The following PTBP3 variants were observed in gnomAD, a reference collection of about 807,000 sequenced individuals.
The protein encoded by PTBP3 is polypyrimidine tract binding protein 3, also known as polypyrimidine tract-binding protein 3.
In PTBP3, 20 loss-of-function variants were observed where a neutral mutation model predicts 58.7. That is an observed-to-expected ratio of 0.34 (90% CI 0.24 to 0.50). The LOEUF (loss-of-function observed/expected upper bound fraction) is 0.50, where lower values mean the gene tolerates loss of function less well. Ranked by LOEUF, PTBP3 falls within the 20% of genes least tolerant of loss-of-function variation. PTBP3 has a pLI of 0.98. For synonymous variants in PTBP3, 185 were observed against 219.8 expected, an observed-to-expected ratio of 0.84 and a Z score of 1.40; for missense variants, 509 against 637.2, an observed-to-expected ratio of 0.80 and a Z score of 2.17.
chr9:112,360,138 A>G, the PTBP3 span, among the ~76,000 whole-genome samples: 3 of 152,226 alleles, frequency 2.0e-5, no homozygotes, highest in South Asian at 2.1e-4. Context: ...AGTTCTACGC[A>G]GAAGGCTTGG....
At chr9:112,277,728 T>A (rs893126173) in intron 2 of PTBP3, among the ~76,000 whole-genome samples, 2 of 151,592 alleles carry the variant, frequency 1.3e-5, no homozygotes, top group Admixed American at 6.6e-5. Context: ...AACAAAAAAA[T>A]TAGCAGGATG....
chr9:112,268,035 T>C lies in PTBP3; in HGVS notation c.351+14A>G, dbSNP rs761677898. On this transcript the variant is annotated intron_variant, in intron 4 of 13. Coordinates refer to ENST00000374257, the MANE Select transcript of PTBP3 (RefSeq NM_001163788.4). Reference sequence around the variant, plus strand: ...GTTCCCATACCTATTTTTAAAAACATCTTTAATACTTACAGCTTGATTAGG... The same window carrying C: ...GTTCCCATACCTATTTTTAAAAACACCTTTAATACTTACAGCTTGATTAGG... 10 of 1,597,252 alleles carry C rather than the reference T, an allele frequency of 6.3e-6. No homozygotes were observed. The highest frequency in any genetic ancestry group is 6.8e-6 in the Non-Finnish European group (8 of 1,172,500).
In PTBP3 at chr9:112,268,140, G is replaced by A. The variant is rs768933142; in HGVS notation, c.260C>T (p.Thr87Ile). 6.2e-7 allele frequency: 1 copy of A among 1,613,608 alleles called. No homozygotes were observed. Residue 87 changes from threonine (T) to isoleucine (I), a missense_variant, in exon 4 of 14, where the codon ACT becomes ATT. Around this residue, in one of 4 missense-constraint regions of PTBP3, gnomAD observed 212 missense variants for 215.3 expected, o/e 0.98. Coordinates refer to ENST00000374257, the MANE Select transcript of PTBP3 (RefSeq NM_001163788.4). ...GCTTCGAAGGTGAGGAGTAATAGGA[G>A]TGTAATAATTCACCATAGTAACGGC... ...EAAVTMVNYY[T>I]PITPHLRSQP...
intron 1 of PTBP3, among the ~76,000 whole-genome samples, chr9:112,304,679 C>G (rs1185820285): frequency 6.6e-6 from 1 of 152,174 alleles, no homozygotes; most frequent in East Asian, 1.9e-4. Flanking sequence ...AATCCTCACA[C>G]CTTGGCCTCC....
chr9:112,329,909 C>T (rs988592138), intron 1 of PTBP3, among the ~76,000 whole-genome samples: 6 of 149,804 alleles, frequency 4.0e-5, no homozygotes, highest in South Asian at 2.1e-4. Context: ...TGCAGTGACA[C>T]GGTCACACTC....
the PTBP3 span, among the ~76,000 whole-genome samples, chr9:112,351,394 C>T: frequency 6.6e-6 from 1 of 152,194 alleles, no homozygotes; most frequent in Admixed American, 6.5e-5. Context: ...GACGTCATAT[C>T]AAGGGTCCTA....
At chr9:112,367,641 T>C in the PTBP3 span, among the ~76,000 whole-genome samples, 1 of 152,208 alleles carries the variant, frequency 6.6e-6, no homozygotes, top group Non-Finnish European at 1.5e-5. Context: ...CTGCAAGGTT[T>C]CTACTGAGAA....
intron 2 of PTBP3, among the ~76,000 whole-genome samples, chr9:112,281,702 T>C (rs141933541): frequency 6.6e-6 from 1 of 152,184 alleles, no homozygotes; most frequent in African/African-American, 2.4e-5. Flanking sequence ...CAATAACTAA[T>C]TTGATTTTTT....
intron 5 of PTBP3, among the ~76,000 whole-genome samples, chr9:112,260,313 T>C (rs1163137773): frequency 6.6e-6 from 1 of 152,216 alleles, no homozygotes; most frequent in Non-Finnish European, 1.5e-5. Context: ...GAGAACATCA[T>C]CTTCATTATA....
chr9:112,247,209 TTAGCTGTGATCACATCAC>T (rs979324482), intron 7 of PTBP3, among the ~76,000 whole-genome samples: 2 of 151,670 alleles, frequency 1.3e-5, no homozygotes, highest in African/African-American at 4.9e-5. Flanking sequence ...GAGGTTGCAG[TTAGCTGTGATCACATCAC>T]TGCACTTCAG....
chr9:112,266,534 T>G (rs1836807382), intron 4 of PTBP3, among the ~76,000 whole-genome samples: 2 of 152,134 alleles, frequency 1.3e-5, no homozygotes. Context: ...CAATATACAT[T>G]GTATTGGATT....
chr9:112,369,950 TA>T, the PTBP3 span, among the ~76,000 whole-genome samples: 3 of 152,198 alleles, frequency 2.0e-5, no homozygotes, highest in African/African-American at 2.4e-5. Context: ...GATGATTTTA[TA>T]AAAGGCAGTT....
At chr9:112,239,752 A>AAAAAG (rs917770686) in intron 7 of PTBP3, among the ~76,000 whole-genome samples, 2 of 150,074 alleles carry the variant, frequency 1.3e-5, no homozygotes, top group Non-Finnish European at 3.0e-5. Flanking sequence ...AGAGAGAGGA[A>AAAAAG]AAAAGAAAAG....
At chr9:112,271,751 AG>A (rs1386648560) in intron 3 of PTBP3, among the ~76,000 whole-genome samples, 1 of 151,402 alleles carries the variant, frequency 6.6e-6, no homozygotes, top group Non-Finnish European at 1.5e-5. Context: ...AAGAAAAAAA[AG>A]AAAAAGAAAA....
At chr9:112,308,577 A>C (rs1829336677) in intron 1 of PTBP3, among the ~76,000 whole-genome samples, 1 of 152,084 alleles carries the variant, frequency 6.6e-6, no homozygotes. Context: ...AATGGAAGAC[A>C]ATCAAGCAGA....
In PTBP3 at chr9:112,306,586, G is replaced by GTA. The variant is rs569038891; in HGVS notation, c.-51-8672_-51-8671dup. Among the ~76,000 whole-genome samples, 443 of 114,512 alleles carry GTA rather than the reference G, an allele frequency of 3.9e-3. 1 individual carries two copies. The highest frequency in any genetic ancestry group is 0.01 in the African/African-American group (304 of 30,034). The allele number at this position is 114,512 out of a possible 152,430, so 75.1% of individuals were successfully genotyped here. On this transcript the variant is annotated intron_variant, in intron 1 of 13. Coordinates refer to ENST00000374257, the MANE Select transcript of PTBP3 (RefSeq NM_001163788.4). ...AAAACCAGAAAATTAATTTAAATTTGTATATATATATATATATATTTTTGT... is the reference window on the plus strand; with the variant it reads ...AAAACCAGAAAATTAATTTAAATTTGTATATATATATATATATATATTTTTGT...
chr9:112,355,630 T>C, the PTBP3 span, among the ~76,000 whole-genome samples: 7 of 150,038 alleles, frequency 4.7e-5, no homozygotes, highest in South Asian at 2.1e-4. Flanking sequence ...TCTTTTTTTT[T>C]TTTTTTTTTT....
chr9:112,326,591 T>C (rs1830165676), intron 1 of PTBP3, among the ~76,000 whole-genome samples: 1 of 152,252 alleles, frequency 6.6e-6, no homozygotes, highest in African/African-American at 2.4e-5. Flanking sequence ...TTCCCATATA[T>C]GTGAGTTTTT....
At chr9:112,319,921 C>T (rs764929141) in intron 1 of PTBP3, among the ~76,000 whole-genome samples, 2 of 152,178 alleles carry the variant, frequency 1.3e-5, no homozygotes, top group South Asian at 4.1e-4. Context: ...ATAAGCCAGG[C>T]GCAGAAAGTC....
Sources: gnomAD v4.1 joint callset for allele counts (sites outside exome capture counted in the v4.1 genomes callset) on GRCh38, gnomAD v4.1.1 for gene constraint, gnomAD v4.1.1 regional missense constraint, MANE v1.5 for transcripts, NCBI Gene and HGNC (gene_info 2026-07-23, HGNC 2026-07-21) for gene names.